TAOK3: variants seen among roughly 807,000 people sequenced by gnomAD.
TAOK3 encodes the protein TAO kinase 3.
A neutral mutation model predicts 120.4 loss-of-function variants in TAOK3; 40 were observed. The ratio of observed to expected loss-of-function variants is 0.33; its 90% CI spans 0.26 to 0.43. The LOEUF (loss-of-function observed/expected upper bound fraction) is 0.43. Ranked by LOEUF, TAOK3 falls within the 20% of genes least tolerant of loss-of-function variation. The pLI, the probability that TAOK3 is intolerant of heterozygous loss-of-function variation, is 1.00. For missense variants in TAOK3, 821 were observed against 1,112.1 expected, an observed-to-expected ratio of 0.74 and a Z score of 3.72; for synonymous variants, 355 against 387.5, an observed-to-expected ratio of 0.92 and a Z score of 0.99.
intron 12 of TAOK3, chr12:118,199,470 G>A (rs1395452480): frequency 1.7e-6 from 1 of 580,346 alleles, no homozygotes; most frequent in Non-Finnish European, 3.1e-6. Flanking sequence ...GGCCATTCTG[G>A]ACGTGGGTCA....
At chr12:118,339,063 T>C (rs1566141315) in intron 1 of TAOK3, among the ~76,000 whole-genome samples, 1 of 152,164 alleles carries the variant, frequency 6.6e-6, no homozygotes, top group East Asian at 1.9e-4. Context: ...AGGATGAAGC[T>C]AGAACTGTGG....
At chr12:118,211,898 T>A (rs2038654338) in intron 11 of TAOK3, among the ~76,000 whole-genome samples, 1 of 152,224 alleles carries the variant, frequency 6.6e-6, no homozygotes, top group Non-Finnish European at 1.5e-5. Context: ...TTCTGGTGTT[T>A]TGTTCTGGTT....
At chr12:118,345,007 G>T (rs1415078223) in intron 1 of TAOK3, among the ~76,000 whole-genome samples, 1 of 152,070 alleles carries the variant, frequency 6.6e-6, no homozygotes, top group East Asian at 1.9e-4. Context: ...CCAGTTAAAG[G>T]ATCACTAGCA....
At chr12:118,269,368 CTCTA>C (rs1457900493) in intron 1 of TAOK3, among the ~76,000 whole-genome samples, 2 of 145,892 alleles carry the variant, frequency 1.4e-5, no homozygotes, top group African/African-American at 5.1e-5. Flanking sequence ...AATTTTCTTT[CTCTA>C]TCTCTCTCTT....
intron 1 of TAOK3, among the ~76,000 whole-genome samples, chr12:118,304,885 C>T (rs12228425): frequency 0.054 from 8,211 of 152,232 alleles, 451 homozygotes; most frequent in East Asian, 0.25. Flanking sequence ...CAACACGACA[C>T]CTGGAGTGAA....
chr12:118,319,735 G>T (rs148153757), intron 1 of TAOK3, among the ~76,000 whole-genome samples: 9 of 152,032 alleles, frequency 5.9e-5, no homozygotes, highest in Non-Finnish European at 1.2e-4. Flanking sequence ...GAACCCTTTC[G>T]CACACTGCTG....
chr12:118,328,046 T>C (rs2044000958), intron 1 of TAOK3, among the ~76,000 whole-genome samples: 2 of 151,736 alleles, frequency 1.3e-5, no homozygotes, highest in African/African-American at 4.8e-5. Context: ...CACGAGTTTA[T>C]TCAACAGGTA....
intron 1 of TAOK3, among the ~76,000 whole-genome samples, chr12:118,350,137 T>C (rs1047012356): frequency 6.0e-4 from 91 of 152,378 alleles, no homozygotes; most frequent in African/African-American, 2.2e-3. Context: ...CAACTTTTTA[T>C]TGTTGCCATG....
intron 1 of TAOK3, among the ~76,000 whole-genome samples, chr12:118,293,963 C>T (rs1354535914): frequency 1.3e-5 from 2 of 151,434 alleles, no homozygotes; most frequent in African/African-American, 4.9e-5. Flanking sequence ...TGCGGTGAGC[C>T]GAGATCATGC....
At chr12:118,273,055 T>A (rs1391997389) in intron 1 of TAOK3, among the ~76,000 whole-genome samples, 2 of 152,170 alleles carry the variant, frequency 1.3e-5, no homozygotes, top group Non-Finnish European at 2.9e-5. Context: ...AGTCATACTT[T>A]ACTATTTTGG....
At chr12:118,268,045 T>C (rs558099059) in intron 1 of TAOK3, among the ~76,000 whole-genome samples, 4 of 152,330 alleles carry the variant, frequency 2.6e-5, no homozygotes, top group South Asian at 4.1e-4. Flanking sequence ...ATAGTTCACC[T>C]CTTTTATCTA....
At position 118,372,146 on chromosome 12, in the gene TAOK3, C is replaced by A. The variant is rs1199748677; in HGVS notation, c.-194+502G>T. 2.6e-5 allele frequency among the ~76,000 whole-genome samples: 4 copies of A among 151,434 alleles called. No homozygotes were observed. The highest frequency in any genetic ancestry group is 3.9e-4 in the East Asian group (2 of 5,122). ...CTCTGTCCTGGATTCTCTCTGGGTC[C>A]CCTCCCCTCACCTCGGGGTCTCCTC... On this transcript the variant is annotated intron_variant, in intron 1 of 20. Transcript: ENST00000392533. This position sits in a 1 kb window ranked among gnomAD's most constrained non-coding sequence, Gnocchi z 4.6.
At chr12:118,307,206 C>G (rs968964536) in intron 1 of TAOK3, among the ~76,000 whole-genome samples, 2 of 151,856 alleles carry the variant, frequency 1.3e-5, no homozygotes, top group Non-Finnish European at 2.9e-5. Context: ...TATGAATCAA[C>G]CTTCCCGCCT....
chr12:118,172,112 G>A (rs766148410), intron 17 of TAOK3, among the ~76,000 whole-genome samples: 5 of 152,086 alleles, frequency 3.3e-5, no homozygotes, highest in Admixed American at 2.6e-4. Context: ...TGTTTTATGC[G>A]GAGTCACAAA....
intron 14 of TAOK3, among the ~76,000 whole-genome samples, chr12:118,182,318 C>G (rs1267417561): frequency 2.0e-5 from 3 of 152,010 alleles, no homozygotes; most frequent in Non-Finnish European, 4.4e-5. Context: ...AGGCCCATCT[C>G]TGTATAACTC....
chr12:118,348,856 T>TC (rs1181941335), intron 1 of TAOK3, among the ~76,000 whole-genome samples: 4 of 149,110 alleles, frequency 2.7e-5, no homozygotes, highest in African/African-American at 9.9e-5. Context: ...TTTTTTTTTT[T>TC]TTTTTTTTTG....
intron 9 of TAOK3, among the ~76,000 whole-genome samples, chr12:118,232,719 A>C (rs2039836400): frequency 6.6e-6 from 1 of 152,118 alleles, no homozygotes; most frequent in African/African-American, 2.4e-5. Flanking sequence ...CAGCCTGGCC[A>C]ACACAGCAAA....
intron 3 of TAOK3, 150 bp from the exon 4 acceptor site, chr12:118,245,115 C>T: frequency 2.1e-6 from 1 of 476,656 alleles, no homozygotes; most frequent in East Asian, 4.1e-5. Context: ...TCACTGCAAC[C>T]TCTACCTCTT....
chr12:118,153,016 T>C (rs2034559771), intron 19 of TAOK3, among the ~76,000 whole-genome samples: 1 of 152,214 alleles, frequency 6.6e-6, no homozygotes, highest in African/African-American at 2.4e-5. Flanking sequence ...ACTTGAGGAA[T>C]ATACCACAGT....
Sources: gnomAD v4.1 joint callset for allele counts (sites outside exome capture counted in the v4.1 genomes callset) on GRCh38, gnomAD v4.1.1 for gene constraint, Gnocchi (gnomAD v3.1) non-coding constraint, MANE v1.5 for transcripts, NCBI Gene and HGNC (gene_info 2026-07-23, HGNC 2026-07-21) for gene names.